Variants in MMP20 observed in about 807,000 individuals in gnomAD.
MMP20 encodes matrix metalloproteinase-20.
Under a neutral mutation model 51.8 loss-of-function variants are expected in MMP20, and 50 were observed. That is an observed-to-expected ratio of 0.97 (90% CI 0.77 to 1.22). MMP20 has a LOEUF of 1.22. MMP20 is among the 50% of genes most tolerant of loss of function. The pLI, the probability that MMP20 is intolerant of heterozygous loss-of-function variation, is 0.00. For missense variants in MMP20, 663 were observed against 601.4 expected (o/e 1.10, Z -1.07); for synonymous variants, 244 against 216.2 (o/e 1.13, Z -1.13).
At chr11:102,610,694 G>C (rs905439139) in intron 3 of MMP20, among the ~76,000 whole-genome samples, 1 of 150,386 alleles carries the variant, frequency 6.6e-6, no homozygotes, top group Admixed American at 6.6e-5. Context: ...GGAGGAGGAA[G>C]AACAAAATAA....
At chr11:102,609,836 A>G (rs1859572491) in intron 4 of MMP20, 69 bp downstream of exon 4, 2 of 1,609,080 alleles carry the variant, frequency 1.2e-6, no homozygotes, top group East Asian at 4.5e-5. Flanking sequence ...GTTGAACCTC[A>G]AGGTTTCATG....
rs557419181 is a variant in MMP20, at chr11:102,605,018, A to G, written c.953+1517T>C. Among the ~76,000 whole-genome samples, 3 of 152,344 alleles carry G rather than the reference A, an allele frequency of 2.0e-5. 1 individual carries two copies. Among genetic ancestry groups the G allele is most frequent in the East Asian group, 3.9e-4 (2 of 5,184 alleles). ...TCCTATGCTGAAGCCTTTACCTTCA[A>G]TGGGATGGTATTACCTTCAAGAAGT... On this transcript the variant is annotated intron_variant, in intron 6 of 9. Transcript: ENST00000260228.
chr11:102,578,945 T>C, intron 9 of MMP20, 94 bp downstream of exon 9: 3 of 891,768 alleles, frequency 3.4e-6, no homozygotes, highest in Non-Finnish European at 5.7e-6. Context: ...AACCAAGGAC[T>C]CCCACTTGGA....
intron 6 of MMP20, among the ~76,000 whole-genome samples, chr11:102,595,869 G>T (rs1021769774): frequency 6.6e-6 from 1 of 152,152 alleles, no homozygotes; most frequent in Non-Finnish European, 1.5e-5. Flanking sequence ...CTTCTTAGGA[G>T]CCCAGAATTA....
chr11:102,595,206 C>T (rs953313763), intron 6 of MMP20, among the ~76,000 whole-genome samples: 4 of 152,246 alleles, frequency 2.6e-5, no homozygotes, highest in African/African-American at 7.2e-5. Flanking sequence ...GGATTACAGA[C>T]ATGAATGACC....
At chr11:102,592,696 G>T (rs1336577546) in intron 8 of MMP20, among the ~76,000 whole-genome samples, 1 of 150,578 alleles carries the variant, frequency 6.6e-6, no homozygotes, top group South Asian at 2.1e-4. Flanking sequence ...TTTTCTCTTC[G>T]GATGTTTAGA....
chr11:102,609,998 G>A lies in MMP20; in HGVS notation c.556C>T (p.Arg186Trp), dbSNP rs759359890. The change falls in exon 4 of 10, where the codon CGG (arginine) becomes TGG (tryptophan). Residue 186 changes from arginine (R) to tryptophan (W), a missense_variant. Arg to Trp is a moderately radical substitution (Grantham distance 101). Coordinates refer to ENST00000260228, the MANE Select transcript of MMP20 (RefSeq NM_004771.4). ...GCAAATGCATGGGCTAGAGTCCCCC[G>A]AGGCCCATCGAATGGATAGGAATCC... ...HGDSYPFDGPRGTLAHAFAPG... is the reference protein window; with the variant it reads ...HGDSYPFDGPWGTLAHAFAPG... The A allele has an allele frequency of 1.2e-5, 20 of 1,613,946 alleles. No homozygotes were observed. Among genetic ancestry groups the A allele is most frequent in the Admixed American group, 1.2e-4 (7 of 59,980 alleles).
chr11:102,625,323 C>A lies in MMP20; in HGVS notation c.-4G>T. The A allele has an allele frequency of 6.2e-7, 1 of 1,612,928 alleles. No individual in the cohort carries two copies. Among genetic ancestry groups the A allele is most frequent in the South Asian group, 1.1e-5 (1 of 91,026 alleles). On this transcript the variant is annotated 5_prime_UTR_variant, in exon 1 of 10. The change creates a new upstream start codon in the 5' untranslated region. Coordinates refer to ENST00000260228, the MANE Select transcript of MMP20 (RefSeq NM_004771.4). ...CAGATGCAGGGAGCACCTTCATCCC[C>A]TCACAGTAGCTTGGTAATTATATCA...
At chr11:102,611,486 G>A (rs1859598863) in intron 3 of MMP20, among the ~76,000 whole-genome samples, 1 of 152,246 alleles carries the variant, frequency 6.6e-6, no homozygotes, top group East Asian at 1.9e-4. Context: ...GCAAGAATTT[G>A]TCCCCTAGTG....
chr11:102,610,083 A>G, intron 3 of MMP20, 53 bp from the exon 4 acceptor site: 1 of 1,603,266 alleles, frequency 6.2e-7, no homozygotes, highest in South Asian at 1.1e-5. Context: ...AGAAATTCTG[A>G]GGGGCGCATC....
At chr11:102,616,000 G>T (rs1023434278) in intron 2 of MMP20, among the ~76,000 whole-genome samples, 1 of 152,156 alleles carries the variant, frequency 6.6e-6, no homozygotes, top group Non-Finnish European at 1.5e-5. Context: ...CCAGAATCAG[G>T]TCTGGCTGTG....
intron 8 of MMP20, among the ~76,000 whole-genome samples, chr11:102,589,645 A>G (rs762529498): frequency 1.3e-5 from 2 of 152,194 alleles, no homozygotes; most frequent in Non-Finnish European, 2.9e-5. Flanking sequence ...TTGTTGGTAG[A>G]GTTAAGATTA....
intron 8 of MMP20, among the ~76,000 whole-genome samples, chr11:102,590,120 C>A (rs1477951173): frequency 6.6e-6 from 1 of 152,022 alleles, no homozygotes; most frequent in Non-Finnish European, 1.5e-5. Context: ...GTGGTGACAC[C>A]CCCTGCTGCC....
intron 1 of MMP20, among the ~76,000 whole-genome samples, chr11:102,622,777 T>C (rs61895673): frequency 0.093 from 14,110 of 152,312 alleles, 838 homozygotes; most frequent in Non-Finnish European, 0.13. Flanking sequence ...CTCATATTTC[T>C]CCAGCATATG....
intron 6 of MMP20, among the ~76,000 whole-genome samples, chr11:102,601,503 T>C (rs1469964014): frequency 1.3e-5 from 2 of 152,196 alleles, no homozygotes; most frequent in African/African-American, 2.4e-5. Flanking sequence ...TTTTCTTCTA[T>C]TTCCTAGGCT....
At chr11:102,601,085 C>T (rs1859439706) in intron 6 of MMP20, among the ~76,000 whole-genome samples, 1 of 150,918 alleles carries the variant, frequency 6.6e-6, no homozygotes, top group Non-Finnish European at 1.5e-5. Flanking sequence ...CTTAGCACAA[C>T]ACATAGCACG....
intron 8 of MMP20, among the ~76,000 whole-genome samples, chr11:102,587,490 C>A (rs1184965545): frequency 4.6e-5 from 7 of 152,066 alleles, no homozygotes; most frequent in African/African-American, 7.2e-5. Context: ...TTGTTCAAGT[C>A]TTTTATTCTT....
chr11:102,579,611 G>A (rs992283532), intron 8 of MMP20, among the ~76,000 whole-genome samples: 1 of 152,166 alleles, frequency 6.6e-6, no homozygotes, highest in African/African-American at 2.4e-5. Context: ...ACTGGGCCTG[G>A]CCCTTGTTGT....
At chr11:102,612,777 C>T (rs1235343765) in intron 2 of MMP20, among the ~76,000 whole-genome samples, 3 of 142,092 alleles carry the variant, frequency 2.1e-5, no homozygotes, top group African/African-American at 7.8e-5. Context: ...GCTCTTGTCG[C>T]CCAGGCTGGA....
Sources: allele counts gnomAD v4.1 joint callset (sites outside exome capture counted in the v4.1 genomes callset), GRCh38; gene constraint gnomAD v4.1.1; transcripts MANE v1.5; gene names NCBI Gene and HGNC (gene_info 2026-07-23, HGNC 2026-07-21).